The following MTMR14 variants were observed in gnomAD, a reference collection of about 807,000 sequenced individuals.
MTMR14 encodes myotubularin related protein 14.
A neutral mutation model predicts 86.3 loss-of-function variants in MTMR14; 48 were observed. The observed-to-expected ratio is 0.56, with a 90% confidence interval of 0.44 to 0.71. MTMR14 has a LOEUF of 0.71. MTMR14 is among the 30% of genes least tolerant of loss of function. The pLI, the probability that MTMR14 is intolerant of heterozygous loss-of-function variation, is 0.00. For missense variants in MTMR14, 780 were observed against 834.6 expected (o/e 0.93, Z 0.81); for synonymous variants, 366 against 326.1 (o/e 1.12, Z -1.32).
At chr3:9,656,282 C>A (rs796263065) in intron 2 of MTMR14, among the ~76,000 whole-genome samples, 25 of 152,222 alleles carry the variant, frequency 1.6e-4, no homozygotes, top group African/African-American at 5.8e-4. Flanking sequence ...GTAAATAGAT[C>A]ACAGAAACAG....
At chr3:9,678,138 C>T (rs1187767049) in intron 9 of MTMR14, 80 bp downstream of exon 9, 12 of 1,443,028 alleles carry the variant, frequency 8.3e-6, no homozygotes, top group Non-Finnish European at 1.2e-5. Context: ...CCCCACAAGG[C>T]CCTCGTGTGT....
intron 17 of MTMR14, among the ~76,000 whole-genome samples, chr3:9,696,245 C>G (rs1559619992): frequency 6.6e-6 from 1 of 152,234 alleles, no homozygotes; most frequent in Non-Finnish European, 1.5e-5. Flanking sequence ...CGCCTGTAAT[C>G]CCAGCACTTT....
chr3:9,672,679 T>G lies in MTMR14; in HGVS notation c.678-6T>G, dbSNP rs755865695. On this transcript the variant is annotated splice_polypyrimidine_tract_variant and splice_region_variant and intron_variant, in intron 6 of 18. Transcript: ENST00000296003. ...CACTGTAACACATTGTATCCTTGTC[T>G]TGTAGTGTAACCTCCTCTGAGAAGG... 1.5e-5 allele frequency: 24 copies of G among 1,613,526 alleles called. 1 individual carries two copies. In the South Asian group the frequency reaches 2.5e-4, roughly 17 times the overall value.
chr3:9,675,952 T>G (rs2075556182), intron 7 of MTMR14, among the ~76,000 whole-genome samples: 1 of 152,166 alleles, frequency 6.6e-6, no homozygotes, highest in Non-Finnish European at 1.5e-5. Flanking sequence ...TGGCTGAAGA[T>G]TGTTTCCAGA....
intron 9 of MTMR14, among the ~76,000 whole-genome samples, chr3:9,682,495 G>A (rs2075801009): frequency 6.6e-6 from 1 of 152,212 alleles, no homozygotes; most frequent in Admixed American, 6.5e-5. Context: ...TTCTGAGTGG[G>A]CTGTTTCTTA....
intron 1 of MTMR14, among the ~76,000 whole-genome samples, 183 bp downstream of exon 1, chr3:9,649,925 AAGG>A (rs963339589): frequency 6.6e-6 from 1 of 151,978 alleles, no homozygotes; most frequent in Non-Finnish European, 1.5e-5. Context: ...ACAACCATAA[AAGG>A]AGGAACTGGG....
intron 3 of MTMR14, among the ~76,000 whole-genome samples, chr3:9,663,395 A>C (rs1412494571): frequency 6.6e-6 from 1 of 151,200 alleles, no homozygotes; most frequent in Non-Finnish European, 1.5e-5. Flanking sequence ...TATGTATGGA[A>C]GTTAGGTCCT....
Position 9,677,277 on chromosome 3 carries a change from C to A in MTMR14, c.752-40C>A. ...CAGGGCTGTCTCAGAAGACTTTGGGCTGGGAAGGGAGATGTCATAACTCTG... is the reference window on the plus strand; with the variant it reads ...CAGGGCTGTCTCAGAAGACTTTGGGATGGGAAGGGAGATGTCATAACTCTG... On this transcript the variant is annotated intron_variant, in intron 7 of 18. Coordinates refer to ENST00000296003, the MANE Select transcript of MTMR14 (RefSeq NM_001077525.3). The surrounding 1 kb of genome is among the most constrained non-coding windows in gnomAD (Gnocchi z 4.2). The A allele has an allele frequency of 6.3e-7, 1 of 1,594,702 alleles. No individual in the cohort carries two copies. Among genetic ancestry groups the A allele is most frequent in the Non-Finnish European group, 8.6e-7 (1 of 1,162,706 alleles).
At chr3:9,678,141 TCGTGTGTTTGCCTGATGGGCTGG>T in intron 9 of MTMR14, 83 bp downstream of exon 9, 1 of 1,419,878 alleles carries the variant, frequency 7.0e-7, no homozygotes, top group Non-Finnish European at 9.8e-7. Flanking sequence ...CACAAGGCCC[TCGTGTGTTTGCCTGATGGGCTGG>T]CTTGTGCACT....
intron 2 of MTMR14, among the ~76,000 whole-genome samples, chr3:9,654,703 A>G (rs964730129): frequency 1.3e-5 from 2 of 152,242 alleles, no homozygotes; most frequent in African/African-American, 4.8e-5. Context: ...CGCAGCAGTC[A>G]TGCTGCATAG....
Position 9,675,746 on chromosome 3 carries a change from A to G in MTMR14, c.752-1571A>G, listed in dbSNP as rs1478824136. 9 of 456,042 alleles carry G rather than the reference A, an allele frequency of 2.0e-5. No homozygotes were observed. The East Asian group carries it at 4.9e-4, about 25-fold the overall frequency. The allele number at this position is 456,042 out of a possible 1,614,324, so 28.2% of individuals were successfully genotyped here. A position where few individuals can be genotyped will look rare whatever the true frequency, so the allele number is the denominator to read the frequency against. Reference sequence around the variant, plus strand: ...TTCTCACAAAAACTGCTTCTGCATCATAGGCGGGTCTGAGCTCAGCCTGAG... The same window carrying G: ...TTCTCACAAAAACTGCTTCTGCATCGTAGGCGGGTCTGAGCTCAGCCTGAG... On this transcript the variant is annotated intron_variant, in intron 7 of 18. Transcript: ENST00000296003.
At position 9,697,632 on chromosome 3, in the gene MTMR14, G is replaced by A; in HGVS notation, c.1614-79G>A. ...GAACCTAGCAGCCAGGGCTGCGCTA[G>A]TCCCCTAGCCCCCTCCAGAGCCTGT... On this transcript the variant is annotated intron_variant, in intron 17 of 18. Transcript: ENST00000296003. 2.6e-6 allele frequency: 4 copies of A among 1,529,382 alleles called. No homozygotes were observed. The African/African-American group carries it at 4.1e-5, about 16-fold the overall frequency. The allele number at this position is 1,529,382 out of a possible 1,614,324, so 94.7% of individuals were successfully genotyped here.
At chr3:9,682,145 C>T (rs1303062419) in intron 9 of MTMR14, among the ~76,000 whole-genome samples, 1 of 152,212 alleles carries the variant, frequency 6.6e-6, no homozygotes, top group Non-Finnish European at 1.5e-5. Flanking sequence ...CACGTTGAGC[C>T]AGATGAGTTG....
intron 13 of MTMR14, among the ~76,000 whole-genome samples, chr3:9,686,709 G>A (rs1356889721): frequency 2.6e-5 from 4 of 152,198 alleles, no homozygotes; most frequent in Admixed American, 2.0e-4. Context: ...CTCTCCTTGT[G>A]GGGGGCAGCT....
At chr3:9,680,085 T>C (rs1010620309) in intron 9 of MTMR14, among the ~76,000 whole-genome samples, 10 of 152,242 alleles carry the variant, frequency 6.6e-5, no homozygotes, top group African/African-American at 2.4e-4. Context: ...GCCTCTCTGA[T>C]CCATACCTGC....
intron 7 of MTMR14, among the ~76,000 whole-genome samples, chr3:9,673,158 G>T (rs747007184): frequency 2.0e-5 from 3 of 152,230 alleles, no homozygotes; most frequent in South Asian, 2.1e-4. Flanking sequence ...AACTACACTT[G>T]CTGCTGTAGC....
chr3:9,667,021 C>T (rs944044987), intron 3 of MTMR14, among the ~76,000 whole-genome samples: 1 of 152,110 alleles, frequency 6.6e-6, no homozygotes, highest in Admixed American at 6.5e-5. Context: ...TTTTGCTGGC[C>T]TAGGTCTGGC....
At chr3:9,657,644 A>G (rs1256251649) in intron 2 of MTMR14, among the ~76,000 whole-genome samples, 1 of 151,684 alleles carries the variant, frequency 6.6e-6, no homozygotes, top group Non-Finnish European at 1.5e-5. Context: ...TCTGCCGCTC[A>G]GGTTCAAGTG....
At chr3:9,693,403 A>G (rs1372993827) in intron 17 of MTMR14, among the ~76,000 whole-genome samples, 1 of 152,240 alleles carries the variant, frequency 6.6e-6, no homozygotes, top group African/African-American at 2.4e-5. Flanking sequence ...TCCCCTACAC[A>G]TGCAGTTGAA....
Sources: gnomAD v4.1 joint callset for allele counts (sites outside exome capture counted in the v4.1 genomes callset) on GRCh38, gnomAD v4.1.1 for gene constraint, Gnocchi (gnomAD v3.1) non-coding constraint, MANE v1.5 for transcripts, NCBI Gene and HGNC (gene_info 2026-07-23, HGNC 2026-07-21) for gene names.